The following DLG1 variants were observed in gnomAD, a reference collection of about 807,000 sequenced individuals.
The protein encoded by DLG1 is disks large homolog 1.
Under a neutral mutation model 123.4 loss-of-function variants are expected in DLG1, and 42 were observed. The observed-to-expected ratio is 0.34, with a 90% CI of 0.27 to 0.44. DLG1 has a LOEUF of 0.44. DLG1 is among the 20% of genes least tolerant of loss of function. The pLI is 1.00. For missense variants in DLG1, 942 were observed against 1,082.6 expected (o/e 0.87, Z 1.82); for synonymous variants, 317 against 356.2 (o/e 0.89, Z 1.24).
At chr3:197,054,637 C>T (rs1468631855) in intron 23 of DLG1, among the ~76,000 whole-genome samples, 1 of 151,572 alleles carries the variant, frequency 6.6e-6, no homozygotes, top group Non-Finnish European at 1.5e-5. Flanking sequence ...GTATCTTTTT[C>T]ATCTTTTTTT....
intron 5 of DLG1, among the ~76,000 whole-genome samples, chr3:197,151,043 ACTG>A (rs1274559544): frequency 6.6e-6 from 1 of 152,092 alleles, no homozygotes; most frequent in Non-Finnish European, 1.5e-5. Context: ...TACTTATAAA[ACTG>A]CTATTTAAGC....
intron 5 of DLG1, among the ~76,000 whole-genome samples, chr3:197,156,093 C>T (rs761352654): frequency 1.2e-4 from 19 of 152,168 alleles, no homozygotes; most frequent in Admixed American, 2.6e-4. Flanking sequence ...AAGAAACGAA[C>T]GCATTAAAAA....
chr3:197,219,350 A>C (rs933573600), intron 4 of DLG1, among the ~76,000 whole-genome samples: 1 of 152,068 alleles, frequency 6.6e-6, no homozygotes, highest in Non-Finnish European at 1.5e-5. Flanking sequence ...AAACCACATC[A>C]CCTTTACTTA....
rs114407516 is a variant in DLG1, at chr3:197,213,389, T to C, written c.319-18800A>G. Among the ~76,000 whole-genome samples the C allele has an allele frequency of 2.8e-3, 427 of 152,256 alleles. 1 individual carries two copies. Among genetic ancestry groups the C allele is most frequent in the African/African-American group, 9.7e-3 (405 of 41,544 alleles). On this transcript the variant is annotated intron_variant, in intron 4 of 24. Transcript: ENST00000667157. ...ATTTATCGTGAGAAAGGCAGATTAGTGGTACCTGGTGGGGAGTGGAGGGCT... is the reference window on the plus strand; with the variant it reads ...ATTTATCGTGAGAAAGGCAGATTAGCGGTACCTGGTGGGGAGTGGAGGGCT...
Position 197,076,693 on chromosome 3 carries a change from A to G in DLG1, c.1906-8T>C. The G allele has an allele frequency of 6.2e-7, 1 of 1,608,812 alleles. No individual in the cohort carries two copies. The highest frequency in any genetic ancestry group is 8.5e-7 in the Non-Finnish European group (1 of 1,175,836). ...CTTGTCATTGAATGACTGCTGAAGAAGAGAAGGAGGGGCAAAACAAAGGGA... is the reference window on the plus strand; with the variant it reads ...CTTGTCATTGAATGACTGCTGAAGAGGAGAAGGAGGGGCAAAACAAAGGGA... On this transcript the variant is annotated splice_region_variant and splice_polypyrimidine_tract_variant and intron_variant, in intron 17 of 24. Transcript: ENST00000667157.
At chr3:197,045,646 CAGG>C (rs1317026549) in intron 24 of DLG1, among the ~76,000 whole-genome samples, 1 of 151,776 alleles carries the variant, frequency 6.6e-6, no homozygotes, top group African/African-American at 2.4e-5. Context: ...GAGGCTGAGA[CAGG>C]AGGATGATCT....
chr3:197,261,026 C>T (rs1039618466), intron 4 of DLG1, among the ~76,000 whole-genome samples: 2 of 151,956 alleles, frequency 1.3e-5, no homozygotes, highest in African/African-American at 2.4e-5. Flanking sequence ...AACTTTACTG[C>T]CTTACTAAAT....
At chr3:197,072,136 T>C (rs1744326016) in intron 18 of DLG1, among the ~76,000 whole-genome samples, 1 of 152,240 alleles carries the variant, frequency 6.6e-6, no homozygotes, top group Non-Finnish European at 1.5e-5. Flanking sequence ...TATTACATAG[T>C]ATGGATAAAT....
intron 10 of DLG1, among the ~76,000 whole-genome samples, chr3:197,135,970 T>C (rs1393908981): frequency 3.3e-5 from 5 of 151,798 alleles, no homozygotes; most frequent in African/African-American, 1.2e-4. Flanking sequence ...TATCACCAGG[T>C]CTGGTTAATT....
chr3:197,046,112 T>A (rs189312148), intron 24 of DLG1, among the ~76,000 whole-genome samples: 96 of 152,364 alleles, frequency 6.3e-4, no homozygotes, highest in Non-Finnish European at 2.9e-4. Flanking sequence ...AAGACTCAGT[T>A]CATTTGACAA....
At chr3:197,085,787 A>G (rs1216912368) in intron 15 of DLG1, 31 bp from the exon 16 acceptor site, 1 of 1,586,138 alleles carries the variant, frequency 6.3e-7, no homozygotes, top group African/African-American at 1.4e-5. Flanking sequence ...GTCCATAATC[A>G]CTTGTTATAA....
chr3:197,183,625 G>A (rs1423541602), intron 5 of DLG1: 1 of 1,550,378 alleles, frequency 6.5e-7, no homozygotes, highest in East Asian at 2.4e-5. Context: ...CTGTGTCTTC[G>A]AGTGAAAAAT....
chr3:197,068,755 C>T (rs528368986), intron 19 of DLG1, among the ~76,000 whole-genome samples: 1 of 152,142 alleles, frequency 6.6e-6, no homozygotes, highest in African/African-American at 2.4e-5. Context: ...GAAAATGTTT[C>T]CTTATTTCTT....
rs1580087428 is a variant in DLG1 at position 197,136,802 on chromosome 3, A to G, written c.884-124T>C. ...TATTTTTTAAAATAGAAAAGAATCT[A>G]TTTAGTTATCTACTAGTATATGTTC... On this transcript the variant is annotated intron_variant, in intron 9 of 24. Transcript: ENST00000667157. 6.1e-6 allele frequency: 5 copies of G among 820,710 alleles called. No individual in the cohort carries two copies. The East Asian group carries it at 1.4e-4, about 23-fold the overall frequency. 50.8% of individuals were successfully genotyped at this position (820,710 alleles called of 1,614,324 possible).
chr3:197,212,925 G>A (rs904243967), intron 4 of DLG1, among the ~76,000 whole-genome samples: 6 of 152,056 alleles, frequency 3.9e-5, no homozygotes, highest in Non-Finnish European at 8.8e-5. Context: ...CTGCATATCC[G>A]CTAAAATGGC....
At position 197,134,080 on chromosome 3, in the gene DLG1, G is replaced by A. The variant is rs557535905; in HGVS notation, c.1020+2462C>T. Among the ~76,000 whole-genome samples the A allele has an allele frequency of 4.6e-5, 7 of 152,318 alleles. No individual in the cohort carries two copies. In the East Asian group the frequency reaches 1.3e-3, roughly 29 times the overall value. ...AAAAAGTAAAACTGAGAAAACTAGTGCAACAGAAGGCTGTCTTGACTGTGT... is the reference window on the plus strand; with the variant it reads ...AAAAAGTAAAACTGAGAAAACTAGTACAACAGAAGGCTGTCTTGACTGTGT... On this transcript the variant is annotated intron_variant, in intron 10 of 24. Transcript: ENST00000667157.
At chr3:197,244,406 G>C (rs1464933011) in intron 4 of DLG1, among the ~76,000 whole-genome samples, 2 of 152,180 alleles carry the variant, frequency 1.3e-5, no homozygotes, top group Non-Finnish European at 2.9e-5. Context: ...TTTTTGTTTA[G>C]AGTGCAGACA....
At position 197,294,614 on chromosome 3, in the gene DLG1, C is replaced by T. The variant is rs533966100; in HGVS notation, c.151+1732G>A. Among the ~76,000 whole-genome samples the T allele has an allele frequency of 2.4e-4, 35 of 147,494 alleles. No homozygotes were observed. The East Asian group carries it at 6.6e-3, about 28-fold the overall frequency. On this transcript the variant is annotated intron_variant, in intron 3 of 24. Transcript: ENST00000667157. Reference sequence around the variant, plus strand: ...CGGAGCTTGCAGTGAGCGGAGATCTCGCCACTGCACTCCAGCCTGGGTGAC... The same window carrying T: ...CGGAGCTTGCAGTGAGCGGAGATCTTGCCACTGCACTCCAGCCTGGGTGAC...
chr3:197,274,967 G>C (rs563479553), intron 4 of DLG1, among the ~76,000 whole-genome samples: 58 of 152,282 alleles, frequency 3.8e-4, no homozygotes, highest in Non-Finnish European at 5.9e-4. Flanking sequence ...GGCAGATCAC[G>C]AGGTCAGGAC....
Sources: allele counts gnomAD v4.1 joint callset (sites outside exome capture counted in the v4.1 genomes callset), GRCh38; gene constraint gnomAD v4.1.1; transcripts MANE v1.5; gene names NCBI Gene and HGNC (gene_info 2026-07-23, HGNC 2026-07-21).